Variants in ENPP6 observed in about 807,000 individuals in gnomAD.
The protein encoded by ENPP6 is ectonucleotide pyrophosphatase/phosphodiesterase 6.
ENPP6 carries 32 observed loss-of-function variants against 42.0 expected under a neutral mutation model. The observed-to-expected ratio is 0.76, with a 90% confidence interval of 0.58 to 1.02. ENPP6 has a LOEUF of 1.02. Among genes scored for constraint, ENPP6 ranks in the 50% least tolerant of loss-of-function variants. The pLI is 0.00. For synonymous variants in ENPP6, 213 were observed against 216.0 expected, an observed-to-expected ratio of 0.99 and a Z score of 0.12; for missense variants, 552 against 566.8, an observed-to-expected ratio of 0.97 and a Z score of 0.27.
intron 1 of ENPP6, among the ~76,000 whole-genome samples, chr4:184,208,892 A>C (rs1183177951): frequency 7.0e-6 from 1 of 143,546 alleles, no homozygotes; most frequent in East Asian, 2.0e-4. Flanking sequence ...GAGATCTGAG[A>C]ACGGGCAGAC....
At chr4:184,131,201 C>CTTTT (rs376993212) in intron 2 of ENPP6, among the ~76,000 whole-genome samples, 1 of 70,644 alleles carries the variant, frequency 1.4e-5, no homozygotes, top group African/African-American at 5.8e-5. Flanking sequence ...TTCTTTCTTT[C>CTTTT]TTCTTTCTTT....
intron 6 of ENPP6, among the ~76,000 whole-genome samples, chr4:184,100,929 C>T (rs1735990190): frequency 6.6e-6 from 1 of 152,114 alleles, no homozygotes; most frequent in Non-Finnish European, 1.5e-5. Flanking sequence ...TAACAGAGCT[C>T]AGCTTTAGTG....
chr4:184,203,247 T>C (rs1732934421), intron 1 of ENPP6, among the ~76,000 whole-genome samples: 1 of 152,134 alleles, frequency 6.6e-6, no homozygotes, highest in South Asian at 2.1e-4. Context: ...CGAGACTCTG[T>C]CTCTAAAACA....
At chr4:184,169,897 C>G (rs114786754) in intron 1 of ENPP6, among the ~76,000 whole-genome samples, 4,367 of 152,318 alleles carry the variant, frequency 0.029, 89 homozygotes, top group Non-Finnish European at 0.047. Flanking sequence ...GTGCTCCGCC[C>G]TGGTTTCCTG....
intron 1 of ENPP6, among the ~76,000 whole-genome samples, 180 bp from the exon 2 acceptor site, chr4:184,153,913 A>G (rs1737107822): frequency 6.6e-6 from 1 of 152,144 alleles, no homozygotes; most frequent in African/African-American, 2.4e-5. Context: ...ATGAAGGTAG[A>G]CAATCCAGTT....
chr4:184,125,986 G>A (rs1736497030), intron 2 of ENPP6, among the ~76,000 whole-genome samples: 1 of 152,086 alleles, frequency 6.6e-6, no homozygotes, highest in Non-Finnish European at 1.5e-5. Flanking sequence ...AAACCCCAAA[G>A]CAAATAAGAT....
intron 1 of ENPP6, among the ~76,000 whole-genome samples, chr4:184,157,704 C>T (rs1400759996): frequency 6.6e-6 from 1 of 151,518 alleles, no homozygotes; most frequent in Non-Finnish European, 1.5e-5. Flanking sequence ...CCTTGACCTC[C>T]CCAGGTTCAG....
chr4:184,208,886 T>C (rs1460468985), intron 1 of ENPP6, among the ~76,000 whole-genome samples: 3 of 143,322 alleles, frequency 2.1e-5, no homozygotes, highest in Non-Finnish European at 1.6e-5. Flanking sequence ...CAGCTGGAGA[T>C]CTGAGAACGG....
At chr4:184,132,540 C>T (rs1194754195) in intron 2 of ENPP6, among the ~76,000 whole-genome samples, 6 of 151,902 alleles carry the variant, frequency 3.9e-5, no homozygotes, top group Non-Finnish European at 8.8e-5. Flanking sequence ...TTAATGACTT[C>T]ATCAGTCATT....
At chr4:184,130,088 G>A (rs185886736) in intron 2 of ENPP6, among the ~76,000 whole-genome samples, 291 of 152,300 alleles carry the variant, frequency 1.9e-3, no homozygotes, top group Non-Finnish European at 3.5e-3. Context: ...AGCTTAGGGT[G>A]GGAAGCTTTG....
At chr4:184,149,503 G>A (rs1320077936) in intron 2 of ENPP6, among the ~76,000 whole-genome samples, 2 of 152,228 alleles carry the variant, frequency 1.3e-5, no homozygotes, top group Non-Finnish European at 2.9e-5. Flanking sequence ...AGGTGGAAAT[G>A]TGTCTTTCTC....
intron 1 of ENPP6, among the ~76,000 whole-genome samples, chr4:184,198,212 G>C (rs983159862): frequency 1.3e-5 from 2 of 152,250 alleles, no homozygotes; most frequent in African/African-American, 4.8e-5. Context: ...TTCTGCCACA[G>C]AGCTGGGAAA....
intron 7 of ENPP6, 40 bp from the exon 8 acceptor site, chr4:184,091,422 T>C: frequency 6.4e-7 from 1 of 1,565,034 alleles, no homozygotes. Flanking sequence ...TCATGGCAGC[T>C]CCAGGGCAGA....
chr4:184,102,256 T>C (rs1046624543), intron 6 of ENPP6, among the ~76,000 whole-genome samples: 9 of 152,118 alleles, frequency 5.9e-5, no homozygotes, highest in African/African-American at 1.9e-4. Flanking sequence ...AGCTGTGCTG[T>C]CTGGGGAGCA....
intron 2 of ENPP6, among the ~76,000 whole-genome samples, chr4:184,152,318 C>T (rs754808550): frequency 6.6e-6 from 1 of 152,160 alleles, no homozygotes; most frequent in Non-Finnish European, 1.5e-5. Flanking sequence ...ATCCTCCAAA[C>T]TCCTGCTGAA....
intron 6 of ENPP6, among the ~76,000 whole-genome samples, chr4:184,112,047 A>T (rs1180951854): frequency 6.6e-6 from 1 of 152,214 alleles, no homozygotes; most frequent in African/African-American, 2.4e-5. Flanking sequence ...TGCTGTCTTC[A>T]GGAATGAACT....
chr4:184,112,983 G>C (rs1736228595), intron 5 of ENPP6, among the ~76,000 whole-genome samples, 174 bp from the exon 6 acceptor site: 1 of 152,190 alleles, frequency 6.6e-6, no homozygotes, highest in Admixed American at 6.5e-5. Flanking sequence ...AAAAAGCAAG[G>C]TGGCTTCATC....
chr4:184,129,981 T>C (rs1736567207), intron 2 of ENPP6, among the ~76,000 whole-genome samples: 1 of 152,264 alleles, frequency 6.6e-6, no homozygotes, highest in African/African-American at 2.4e-5. Flanking sequence ...GTTTCTGTTT[T>C]GTCGAATATA....
intron 1 of ENPP6, among the ~76,000 whole-genome samples, chr4:184,198,298 C>A (rs1291482551): frequency 6.6e-6 from 1 of 152,216 alleles, no homozygotes; most frequent in Non-Finnish European, 1.5e-5. Flanking sequence ...GCACTGGTCC[C>A]CAACGTGGAG....
Sources: gnomAD v4.1 joint callset for allele counts (sites outside exome capture counted in the v4.1 genomes callset) on GRCh38, gnomAD v4.1.1 for gene constraint, MANE v1.5 for transcripts, NCBI Gene and HGNC (gene_info 2026-07-23, HGNC 2026-07-21) for gene names.